FGF14: variants seen among roughly 807,000 people sequenced by gnomAD.
FGF14 encodes fibroblast growth factor homologous factor 4.
In FGF14, 5 loss-of-function variants were observed where a neutral mutation model predicts 25.5. That is an observed-to-expected ratio of 0.20 (90% CI 0.10 to 0.41). The LOEUF is 0.41. Ranked by LOEUF, FGF14 falls within the 10% of genes least tolerant of loss-of-function variation. The probability of loss-of-function intolerance (pLI) is 1.00; values close to 1 mark genes in which losing one functional copy is unlikely to be tolerated. For missense variants in FGF14, 222 were observed against 320.1 expected (o/e 0.69, Z 2.34); for synonymous variants, 138 against 118.3 (o/e 1.17, Z -1.08).
At chr13:101,942,301 C>A (rs963598468) in intron 1 of FGF14, among the ~76,000 whole-genome samples, 3 of 152,100 alleles carry the variant, frequency 2.0e-5, no homozygotes, top group Non-Finnish European at 4.4e-5. Flanking sequence ...TCAGGAAATG[C>A]CTTCTCCTTA....
chr13:101,770,431 G>A (rs1406419596), intron 3 of FGF14, among the ~76,000 whole-genome samples: 1 of 152,006 alleles, frequency 6.6e-6, no homozygotes, highest in Non-Finnish European at 1.5e-5. Flanking sequence ...TTTGGATAAT[G>A]AATGACAGGT....
At chr13:101,814,463 T>C (rs933925623) in intron 3 of FGF14, among the ~76,000 whole-genome samples, 1 of 152,232 alleles carries the variant, frequency 6.6e-6, no homozygotes, top group Non-Finnish European at 1.5e-5. Context: ...CTTTTAAGGG[T>C]AAAATTCAAT....
chr13:101,921,036 C>A (rs2033963728), upstream of FGF14, among the ~76,000 whole-genome samples: 1 of 149,572 alleles, frequency 6.7e-6, no homozygotes, highest in South Asian at 2.1e-4. Flanking sequence ...TGGAAAATTT[C>A]TATTGCCCTA....
At chr13:101,971,821 A>G (rs2037613114) in intron 1 of FGF14, among the ~76,000 whole-genome samples, 2 of 152,344 alleles carry the variant, frequency 1.3e-5, no homozygotes, top group African/African-American at 2.4e-5. Context: ...ATTTTCCACT[A>G]TAAAGTTGCT....
chr13:101,714,256 T>G lies in FGF14; in HGVS notation c.*8575A>C. 4 of 595,626 alleles carry G rather than the reference T, an allele frequency of 6.7e-6. No homozygotes were observed. The South Asian group carries it at 8.2e-5, about 12-fold the overall frequency. The allele number at this position is 595,626 out of a possible 1,614,324, so 36.9% of individuals were successfully genotyped here. A position where few individuals can be genotyped will look rare whatever the true frequency, so the allele number is the denominator to read the frequency against. The stretch of plus-strand genomic sequence containing the variant: ...TCTAGATCCATAATGAAGGCTTTCC[T>G]GGGTGACCTTTATGAATTACAGTAA... On this transcript the variant is annotated 3_prime_UTR_variant, in exon 5 of 5. Coordinates refer to ENST00000376143, the MANE Select transcript of FGF14 (RefSeq NM_004115.4).
At chr13:101,790,128 G>GTT (rs35108416) in intron 3 of FGF14, among the ~76,000 whole-genome samples, 5,051 of 108,390 alleles carry the variant, frequency 0.047, 109 homozygotes, top group Non-Finnish European at 0.056. Context: ...TAGTATTTTG[G>GTT]TTTTTTTTTT....
chr13:101,990,594 T>C (rs371744780), intron 1 of FGF14, among the ~76,000 whole-genome samples: 1 of 151,962 alleles, frequency 6.6e-6, no homozygotes, highest in African/African-American at 2.4e-5. Flanking sequence ...GATCATGAGG[T>C]TTAAAAAGAT....
At chr13:101,916,976 A>C (rs910805013), upstream of FGF14, among the ~76,000 whole-genome samples, 7 of 151,396 alleles carry the variant, frequency 4.6e-5, no homozygotes, top group African/African-American at 1.4e-4. Flanking sequence ...CGTCGCAGGA[A>C]CCCCGGCGGG....
chr13:101,932,033 T>C (rs1310198728), intron 1 of FGF14, among the ~76,000 whole-genome samples: 2 of 152,180 alleles, frequency 1.3e-5, no homozygotes, highest in Non-Finnish European at 2.9e-5. Flanking sequence ...ATTATATAAA[T>C]GATCAGGGAT....
chr13:101,752,759 G>A (rs915333221), intron 3 of FGF14, among the ~76,000 whole-genome samples: 10 of 152,136 alleles, frequency 6.6e-5, no homozygotes, highest in African/African-American at 1.2e-4. Flanking sequence ...TGACGTTCTC[G>A]CACATAATGG....
Position 102,262,329 on chromosome 13 carries a change from T to C in FGF14, c.208+139142A>G, listed in dbSNP as rs186856821. ...CAATGGAAATAAAAATTCAGAATCA[T>C]TATTTCCTACCTACTATTGCTTGGA... On this transcript the variant is annotated intron_variant, in intron 1 of 4. Coordinates refer to the FGF14 transcript ENST00000376131. Among the ~76,000 whole-genome samples the C allele has an allele frequency of 2.0e-3, 310 of 152,280 alleles. 1 individual carries two copies. The highest frequency in any genetic ancestry group is 7.3e-3 in the African/African-American group (302 of 41,562).
chr13:101,816,066 C>A (rs954079067), intron 3 of FGF14, among the ~76,000 whole-genome samples: 1 of 151,452 alleles, frequency 6.6e-6, no homozygotes, highest in Non-Finnish European at 1.5e-5. Flanking sequence ...GTCAGGAGAT[C>A]GAGACCATCT....
At chr13:101,953,570 G>GTGTGTGTGTGTGTGTGTGTATA (rs532696085) in intron 1 of FGF14, among the ~76,000 whole-genome samples, 3 of 138,074 alleles carry the variant, frequency 2.2e-5, no homozygotes, top group Admixed American at 7.4e-5. Context: ...GTGTGTGTGT[G>GTGTGTGTGTGTGTGTGTGTATA]TATATATATA....
At chr13:102,046,364 T>C (rs1022820369) in intron 1 of FGF14, among the ~76,000 whole-genome samples, 1 of 152,158 alleles carries the variant, frequency 6.6e-6, no homozygotes, top group Non-Finnish European at 1.5e-5. Flanking sequence ...ATGCTTATTG[T>C]CAGAAAATAT....
At chr13:101,943,826 A>AAAAAATATATATATAT (rs1555324449) in intron 1 of FGF14, among the ~76,000 whole-genome samples, 1 of 126,808 alleles carries the variant, frequency 7.9e-6, no homozygotes, top group African/African-American at 3.4e-5. Context: ...AAAAAAAAAA[A>AAAAAATATATATATAT]ATATATATAT....
chr13:102,387,259 C>T (rs2058326236), intron 1 of FGF14, among the ~76,000 whole-genome samples: 1 of 152,152 alleles, frequency 6.6e-6, no homozygotes, highest in African/African-American at 2.4e-5. Flanking sequence ...ATTCAAACAT[C>T]CAGGAGCCAG....
At chr13:101,876,299 T>C (rs1342788713) in intron 1 of FGF14, among the ~76,000 whole-genome samples, 1 of 152,162 alleles carries the variant, frequency 6.6e-6, no homozygotes, top group African/African-American at 2.4e-5. Context: ...ATCTTCACCA[T>C]GGCAACTGGC....
At chr13:102,120,839 G>T (rs910023546) in intron 1 of FGF14, among the ~76,000 whole-genome samples, 1 of 151,960 alleles carries the variant, frequency 6.6e-6, no homozygotes, top group Non-Finnish European at 1.5e-5. Context: ...AAGTAGCTGG[G>T]ATTATAGGCG....
chr13:101,947,887 A>C (rs1311852178), intron 1 of FGF14, among the ~76,000 whole-genome samples: 1 of 152,236 alleles, frequency 6.6e-6, no homozygotes, highest in East Asian at 1.9e-4. Flanking sequence ...TGTAAGAAGC[A>C]ATAATAATAT....
Sources: gnomAD v4.1 joint callset for allele counts (sites outside exome capture counted in the v4.1 genomes callset) on GRCh38, gnomAD v4.1.1 for gene constraint, MANE v1.5 for transcripts, NCBI Gene and HGNC (gene_info 2026-07-23, HGNC 2026-07-21) for gene names.